The following ASB3 variants were observed in gnomAD, a reference collection of about 807,000 sequenced individuals.
The protein encoded by ASB3 is ankyrin repeat and SOCS box containing 3.
ASB3 carries 41 observed loss-of-function variants against 54.5 expected under a neutral mutation model. That is an observed-to-expected ratio of 0.75 (90% CI 0.59 to 0.98). The LOEUF (loss-of-function observed/expected upper bound fraction) is 0.98. ASB3 is among the 50% of genes least tolerant of loss of function. The pLI is 0.00. For missense variants in ASB3, 733 were observed against 620.0 expected (o/e 1.18, Z -1.94); for synonymous variants, 266 against 221.2 (o/e 1.20, Z -1.80).
intron 1 of ASB3, among the ~76,000 whole-genome samples, chr2:53,781,180 G>A (rs920479883): frequency 6.6e-6 from 1 of 151,920 alleles, no homozygotes; most frequent in Non-Finnish European, 1.5e-5. Flanking sequence ...GGCTTGAGGG[G>A]GCAAATCACT....
intron 5 of ASB3, among the ~76,000 whole-genome samples, chr2:53,722,394 T>C (rs368811999): frequency 2.0e-5 from 3 of 152,116 alleles, no homozygotes; most frequent in South Asian, 2.1e-4. Flanking sequence ...TACAGGCCAA[T>C]AGTGCTGACG....
At position 53,714,408 on chromosome 2, in the gene ASB3, G is replaced by A. The variant is rs1318390181; in HGVS notation, c.956C>T (p.Pro319Leu). 1.2e-6 allele frequency: 2 copies of A among 1,614,094 alleles called. No individual in the cohort carries two copies. Among genetic ancestry groups the A allele is most frequent in the Non-Finnish European group, 1.7e-6 (2 of 1,180,032 alleles). Residue 319 changes from proline (P) to leucine (L), a missense_variant, in exon 7 of 10, where the codon CCT (proline) becomes CTT (leucine). Coordinates refer to ENST00000263634, the MANE Select transcript of ASB3 (RefSeq NM_016115.5). ...CTCCTTTTGGAAAGCCATGCACACA[G>A]GAGAACTGAATCCAAAAACAAGGCA... Reference protein sequence around the residue: ...QACLVFGFSSPVCMAFQKDCE... With the variant: ...QACLVFGFSSLVCMAFQKDCE...
At chr2:53,772,300 A>C (rs373304166) in intron 1 of ASB3, among the ~76,000 whole-genome samples, 2 of 151,936 alleles carry the variant, frequency 1.3e-5, no homozygotes, top group Admixed American at 6.5e-5. Context: ...TCAGCCTCCC[A>C]AGTAGCTGGG....
chr2:53,774,428 G>C (rs763286848), intron 1 of ASB3: 1 of 1,611,548 alleles, frequency 6.2e-7, no homozygotes, highest in Non-Finnish European at 8.5e-7. Flanking sequence ...AATTCTATTA[G>C]GAACCTTGTG....
chr2:53,696,770 T>C (rs1467831379), intron 8 of ASB3, among the ~76,000 whole-genome samples: 1 of 152,128 alleles, frequency 6.6e-6, no homozygotes, highest in East Asian at 1.9e-4. Context: ...CAACAACTAT[T>C]TACATAGCAT....
At chr2:53,679,484 T>C (rs1668250396) in intron 9 of ASB3, among the ~76,000 whole-genome samples, 1 of 152,162 alleles carries the variant, frequency 6.6e-6, no homozygotes, top group Non-Finnish European at 1.5e-5. Flanking sequence ...CTCATCTTTC[T>C]TCTCCATCTC....
intron 3 of ASB3, among the ~76,000 whole-genome samples, chr2:53,733,670 G>A (rs922935042): frequency 1.3e-5 from 2 of 152,078 alleles, no homozygotes; most frequent in South Asian, 4.1e-4. Context: ...TTGAACTCCT[G>A]ACCTCATATA....
At position 53,757,291 on chromosome 2, in the gene ASB3, C is replaced by A. The variant is rs117808498; in HGVS notation, c.197-6350G>T. On this transcript the variant is annotated intron_variant, in intron 2 of 9. Transcript: ENST00000263634. ...CTGGGAAAGGGCTTTCTAACAACGT[C>A]CAACCCTTCTGGGTTGGGAGCGTTG... 3.7e-4 allele frequency among the ~76,000 whole-genome samples: 56 copies of A among 152,366 alleles called. No individual in the cohort carries two copies. In the East Asian group the frequency reaches 0.01, roughly 27 times the overall value.
intron 3 of ASB3, among the ~76,000 whole-genome samples, chr2:53,749,657 A>T (rs1442610768): frequency 6.6e-6 from 1 of 152,096 alleles, no homozygotes; most frequent in East Asian, 1.9e-4. Flanking sequence ...TACATGCAAC[A>T]ATATGGATGA....
At chr2:53,744,992 C>A (rs986384806) in intron 3 of ASB3, among the ~76,000 whole-genome samples, 3 of 152,244 alleles carry the variant, frequency 2.0e-5, no homozygotes, top group Admixed American at 2.0e-4. Context: ...AAGCCAAAAG[C>A]GCATGCCATG....
chr2:53,769,217 G>C (rs2104126129), intron 1 of ASB3, among the ~76,000 whole-genome samples: 1 of 152,330 alleles, frequency 6.6e-6, no homozygotes, highest in South Asian at 2.1e-4. Flanking sequence ...TGGCTTCTGA[G>C]TTGTCAGTTT....
At chr2:53,730,987 A>G (rs962891287) in intron 3 of ASB3, among the ~76,000 whole-genome samples, 2 of 152,228 alleles carry the variant, frequency 1.3e-5, no homozygotes, top group African/African-American at 2.4e-5. Context: ...GTGTAAAACA[A>G]GAAATGATAA....
At chr2:53,736,525 T>C (rs931476465) in intron 3 of ASB3, among the ~76,000 whole-genome samples, 104 of 151,360 alleles carry the variant, frequency 6.9e-4, no homozygotes, top group Admixed American at 5.3e-4. Flanking sequence ...GGTGAAACCC[T>C]GTCTCTACTA....
intron 5 of ASB3, among the ~76,000 whole-genome samples, chr2:53,720,240 A>G (rs1022452143): frequency 2.0e-5 from 3 of 152,148 alleles, no homozygotes; most frequent in Middle Eastern, 3.2e-3. Context: ...GAACCAATGT[A>G]TATCTTATAT....
intron 6 of ASB3, among the ~76,000 whole-genome samples, chr2:53,715,053 C>A (rs1371329261): frequency 1.3e-5 from 2 of 151,804 alleles, no homozygotes; most frequent in African/African-American, 2.4e-5. Context: ...TGATAACTGG[C>A]ATGAAATTAA....
intron 9 of ASB3, among the ~76,000 whole-genome samples, chr2:53,671,367 T>C: frequency 6.7e-6 from 1 of 148,528 alleles, no homozygotes; most frequent in Non-Finnish European, 1.5e-5. Flanking sequence ...TGTGTGTGTG[T>C]GTGTGTGTGT....
intron 3 of ASB3, among the ~76,000 whole-genome samples, chr2:53,733,073 T>C (rs556328971): frequency 5.3e-5 from 8 of 152,306 alleles, no homozygotes; most frequent in Admixed American, 3.3e-4. Context: ...TTCACAGTCT[T>C]TTCTAAGAAC....
chr2:53,678,410 G>T (rs1271066470), intron 9 of ASB3, among the ~76,000 whole-genome samples: 1 of 152,130 alleles, frequency 6.6e-6, no homozygotes, highest in Non-Finnish European at 1.5e-5. Flanking sequence ...GATTATGTTG[G>T]TTCACTTGTG....
rs778136759 is a variant in ASB3 at position 53,774,169 on chromosome 2, T to C, written c.-13-8584A>G. On this transcript the variant is annotated intron_variant, in intron 1 of 9. Transcript: ENST00000263634. Reference sequence around the variant, plus strand: ...ATGTGTATGGGGTGTTGCTTACAGATTGCCAGTAGGAAAGGAAGAAGAAGT... The same window carrying C: ...ATGTGTATGGGGTGTTGCTTACAGACTGCCAGTAGGAAAGGAAGAAGAAGT... The C allele has an allele frequency of 1.6e-5, 25 of 1,611,196 alleles. No individual in the cohort carries two copies. In the Admixed American group the frequency reaches 3.4e-4, roughly 22 times the overall value.
Sources: gnomAD v4.1 joint callset for allele counts (sites outside exome capture counted in the v4.1 genomes callset) on GRCh38, gnomAD v4.1.1 for gene constraint, MANE v1.5 for transcripts, NCBI Gene and HGNC (gene_info 2026-07-23, HGNC 2026-07-21) for gene names.